ABCA1: variants seen among roughly 807,000 people sequenced by gnomAD.
ABCA1 encodes the protein ATP binding cassette subfamily A member 1, also known as phospholipid-transporting ATPase ABCA1.
ABCA1 carries 133 observed loss-of-function variants against 262.5 expected under a neutral mutation model. The observed-to-expected ratio is 0.51, with a 90% CI of 0.44 to 0.59. ABCA1 has a LOEUF of 0.59. Ranked by LOEUF, ABCA1 falls within the 20% of genes least tolerant of loss-of-function variation. ABCA1 has a pLI of 0.00. For synonymous variants in ABCA1, 1,022 were observed against 1,043.5 expected (o/e 0.98, Z 0.40); for missense variants, 2,452 against 2,777.5 (o/e 0.88, Z 2.63).
chr9:104,808,402 A>G (rs1003518076), intron 30 of ABCA1, among the ~76,000 whole-genome samples: 1 of 152,068 alleles, frequency 6.6e-6, no homozygotes, highest in East Asian at 1.9e-4. Flanking sequence ...TCATGCTTCT[A>G]TCTTCCCTAC....
At chr9:104,798,062 A>G (rs1308071997) in intron 37 of ABCA1, among the ~76,000 whole-genome samples, 1 of 152,236 alleles carries the variant, frequency 6.6e-6, no homozygotes, top group Non-Finnish European at 1.5e-5. Flanking sequence ...CTAGTAAGGC[A>G]AAGAACATTC....
In ABCA1 at chr9:104,792,789, C is replaced by G; in HGVS notation, c.5754G>C (p.Thr1918=). 6.2e-7 allele frequency: 1 copy of G among 1,614,104 alleles called. No individual in the cohort carries two copies. The highest frequency in any genetic ancestry group is 8.5e-7 in the Non-Finnish European group (1 of 1,179,996). ...ATTGTAACCTGTACTCTCTCACCTT[C>G]GTCAACTCCTTGATTTCTAAGATGT... ...QNDILEIKEL[T]KIYRRKRKPA... The change falls in exon 42 of 50, where the codon ACG becomes ACC. Residue 1918 remains threonine, a synonymous_variant. Coordinates refer to ENST00000374736, the MANE Select transcript of ABCA1 (RefSeq NM_005502.4).
chr9:104,846,706 G>GCT (rs2119056676), intron 7 of ABCA1, among the ~76,000 whole-genome samples: 1 of 152,276 alleles, frequency 6.6e-6, no homozygotes, highest in Non-Finnish European at 1.5e-5. Flanking sequence ...AACTTGTCCA[G>GCT]CTCATTCATC....
At chr9:104,923,850 A>G (rs2515613) in intron 1 of ABCA1, among the ~76,000 whole-genome samples, 70,644 of 151,824 alleles carry the variant, frequency 0.47, 16,583 homozygotes, top group East Asian at 0.66. Flanking sequence ...GACCAGTCTG[A>G]GCAAGATAGT....
At chr9:104,801,352 T>C (rs907669099) in intron 34 of ABCA1, among the ~76,000 whole-genome samples, 1 of 151,878 alleles carries the variant, frequency 6.6e-6, no homozygotes, top group Non-Finnish European at 1.5e-5. Context: ...CCCGAGTAGC[T>C]GGGATTACAG....
Position 104,785,567 on chromosome 9 carries a change from G to A in ABCA1, c.6474C>T (p.Phe2158=), listed in dbSNP as rs1454646787. 1.2e-6 allele frequency: 2 copies of A among 1,613,742 alleles called. No individual in the cohort carries two copies. Among genetic ancestry groups the A allele is most frequent in the African/African-American group, 1.3e-5 (1 of 74,906 alleles). Residue 2158 remains phenylalanine (F), a synonymous_variant, in exon 49 of 50, where the codon TTC becomes TTT. Transcript: ENST00000374736. ...CACTTCCAGGAAATGCAAGTCCAAA[G>A]AAATCCTGGACAGGCTTCAGGTCCG... ...SNPDLKPVQD[F]FGLAFPGSVL... is the part of the protein sequence containing the mutation.
Position 104,793,140 on chromosome 9 carries a change from GGTGCTCCACGGGT to G in ABCA1, c.5636+18_5636+30del, listed in dbSNP as rs1407994021. The G allele has an allele frequency of 6.2e-7, 1 of 1,613,628 alleles. No homozygotes were observed. The highest frequency in any genetic ancestry group is 8.5e-7 in the Non-Finnish European group (1 of 1,179,706). On this transcript the variant is annotated intron_variant, in intron 41 of 49. Transcript: ENST00000374736. ...GCGCCTCCTCTGTGACCCTCAACCAGGTGCTCCACGGGTTCTAAGAAAAAGCTCACCTGGGCCT... is the reference window on the plus strand; with the variant it reads ...GCGCCTCCTCTGTGACCCTCAACCAGTCTAAGAAAAAGCTCACCTGGGCCT...
intron 7 of ABCA1, among the ~76,000 whole-genome samples, chr9:104,850,794 T>C (rs1359498172): frequency 6.6e-6 from 1 of 152,238 alleles, no homozygotes; most frequent in African/African-American, 2.4e-5. Context: ...TTCCTACTAT[T>C]ATTTTTCTAA....
intron 8 of ABCA1, among the ~76,000 whole-genome samples, chr9:104,841,968 C>T (rs1009134943): frequency 1.3e-5 from 2 of 152,290 alleles, no homozygotes; most frequent in African/African-American, 2.4e-5. Flanking sequence ...GTGTTCACAC[C>T]GCCTGGGAAG....
intron 5 of ABCA1, among the ~76,000 whole-genome samples, chr9:104,862,631 T>TGCCGGGCCGGGCCGG (rs1171336047): frequency 4.4e-5 from 1 of 22,938 alleles, no homozygotes; most frequent in Non-Finnish European, 7.6e-5. Context: ...AAATGCAGAC[T>TGCCGGGCCGGGCCGG]GCCGGGCCGG....
Position 104,883,100 on chromosome 9 carries a change from G to A in ABCA1, c.360C>T (p.Thr120=), listed in dbSNP as rs771661583. 151 of 1,613,816 alleles carry A rather than the reference G, an allele frequency of 9.4e-5. No individual in the cohort carries two copies. The highest frequency in any genetic ancestry group is 1.2e-4 in the Non-Finnish European group (147 of 1,180,050). The change falls in exon 5 of 50, where the codon ACC becomes ACT. Residue 120 remains threonine (T), a synonymous_variant. Transcript: ENST00000374736. ...GAACTTTGCGCATGTCCTTCATGCTGGTGTCTTTCTGGCTGTATAAAAGAA... is the reference window on the plus strand; with the variant it reads ...GAACTTTGCGCATGTCCTTCATGCTAGTGTCTTTCTGGCTGTATAAAAGAA... ...RRLLLYSQKD[T]SMKDMRKVLR...
chr9:104,808,024 T>G (rs1830945144), intron 30 of ABCA1, among the ~76,000 whole-genome samples: 1 of 152,030 alleles, frequency 6.6e-6, no homozygotes, highest in Admixed American at 6.6e-5. Flanking sequence ...CGCGCTGCCC[T>G]CCTGAAGCTT....
intron 34 of ABCA1, 128 bp from the exon 35 acceptor site, chr9:104,800,712 T>C: frequency 2.4e-6 from 2 of 836,928 alleles, no homozygotes. Flanking sequence ...TCACTGAAAT[T>C]AAATGTGAAG....
intron 8 of ABCA1, among the ~76,000 whole-genome samples, chr9:104,841,583 C>A (rs920403631): frequency 3.0e-4 from 45 of 152,208 alleles, no homozygotes; most frequent in African/African-American, 1.1e-3. Flanking sequence ...TGAGACACAA[C>A]TTGGCTTGGT....
chr9:104,831,075 T>C lies in ABCA1; in HGVS notation c.1742A>G (p.Asp581Gly). 6.2e-7 allele frequency: 1 copy of C among 1,609,324 alleles called. No homozygotes were observed. Residue 581 changes from aspartate to glycine, a missense_variant, in exon 14 of 50, where the codon GAC (aspartate) becomes GGC (glycine). This residue lies in a region of ABCA1 where 1,032 missense variants were observed against 1,089.7 expected (regional missense o/e 0.95). Transcript: ENST00000374736. Reference protein sequence around the residue: ...DGYWDPGPRADPFEDMRYVWG... With the variant: ...DGYWDPGPRAGPFEDMRYVWG... The stretch of plus-strand genomic sequence containing the variant: ...GACGTACCGCATGTCCTCAAAGGGG[T>C]CAGCTCGAGGACCAGGGTCCCAGTA...
At chr9:104,904,961 G>A (rs1840994564) in intron 1 of ABCA1, among the ~76,000 whole-genome samples, 2 of 152,178 alleles carry the variant, frequency 1.3e-5, no homozygotes, top group Admixed American at 6.5e-5. Flanking sequence ...GTGTATCCCA[G>A]CCACCCATCC....
chr9:104,809,316 C>T (rs1211270700), intron 30 of ABCA1, 150 bp downstream of exon 30: 3 of 823,326 alleles, frequency 3.6e-6, no homozygotes, highest in Non-Finnish European at 6.1e-6. Flanking sequence ...TCGGTTACTA[C>T]CTTCGCTTTT....
chr9:104,797,053 C>T (rs1829961890), intron 37 of ABCA1, among the ~76,000 whole-genome samples: 1 of 152,204 alleles, frequency 6.6e-6, no homozygotes, highest in African/African-American at 2.4e-5. Context: ...GACTACAGGG[C>T]TCTGCCTCAG....
rs2230807 is a variant in ABCA1, at chr9:104,816,197, C to T, written c.3684G>A (p.Arg1228=). ...AACTAGAAATGCCCAGGTCTGAGAG[C>T]CGGTCATCAATCTCATGAAAGAGTT... ...FVELFHEIDD[R]LSDLGISSYG... is the part of the protein sequence containing the mutation. The change falls in exon 25 of 50, where the codon CGG becomes CGA. Residue 1228 remains arginine, a synonymous_variant. Coordinates refer to ENST00000374736, the MANE Select transcript of ABCA1 (RefSeq NM_005502.4). 0.01 allele frequency: 16,889 copies of T among 1,614,000 alleles called. 1,473 individuals carry two copies. In the African/African-American group the frequency reaches 0.19, roughly 19 times the overall value.
Sources: gnomAD v4.1 joint callset for allele counts (sites outside exome capture counted in the v4.1 genomes callset) on GRCh38, gnomAD v4.1.1 for gene constraint, gnomAD v4.1.1 regional missense constraint, MANE v1.5 for transcripts, NCBI Gene and HGNC (gene_info 2026-07-23, HGNC 2026-07-21) for gene names.